EHBP1: variants seen among roughly 807,000 people sequenced by gnomAD.
EHBP1 encodes EH domain binding protein 1.
Under a neutral mutation model 144.0 loss-of-function variants are expected in EHBP1, and 55 were observed. The ratio of observed to expected loss-of-function variants is 0.38; its 90% CI spans 0.31 to 0.48. The LOEUF (loss-of-function observed/expected upper bound fraction) is 0.48. Ranked by LOEUF, EHBP1 falls within the 20% of genes least tolerant of loss-of-function variation. The pLI, the probability that EHBP1 is intolerant of heterozygous loss-of-function variation, is 0.98. For synonymous variants in EHBP1, 469 were observed against 472.7 expected, an observed-to-expected ratio of 0.99 and a Z score of 0.10; for missense variants, 1,200 against 1,364.2, an observed-to-expected ratio of 0.88 and a Z score of 1.90.
At chr2:62,967,595 TC>T (rs1182076862) in intron 14 of EHBP1, among the ~76,000 whole-genome samples, 1 of 152,188 alleles carries the variant, frequency 6.6e-6, no homozygotes, top group East Asian at 1.9e-4. Flanking sequence ...TACATTTTGA[TC>T]ACTTGTATCT....
intron 7 of EHBP1, among the ~76,000 whole-genome samples, chr2:62,856,604 A>C (rs1164867747): frequency 1.3e-5 from 2 of 152,220 alleles, no homozygotes; most frequent in Non-Finnish European, 2.9e-5. Context: ...TGCCAGGCCA[A>C]GTGGGTGGAA....
At chr2:63,005,777 T>G (rs1230310227) in intron 19 of EHBP1, among the ~76,000 whole-genome samples, 1 of 152,062 alleles carries the variant, frequency 6.6e-6, no homozygotes. Context: ...GCTTACCACA[T>G]TATTATATTT....
At chr2:62,809,425 C>G (rs956029801) in intron 5 of EHBP1, among the ~76,000 whole-genome samples, 1 of 152,018 alleles carries the variant, frequency 6.6e-6, no homozygotes, top group African/African-American at 2.4e-5. Flanking sequence ...CCTGATCAAG[C>G]TCTTGGAAGT....
intron 7 of EHBP1, among the ~76,000 whole-genome samples, chr2:62,841,550 G>A (rs957977245): frequency 3.3e-5 from 5 of 152,110 alleles, no homozygotes; most frequent in Non-Finnish European, 4.4e-5. Context: ...AATGAGAGAT[G>A]CAGTATGATT....
intron 14 of EHBP1, among the ~76,000 whole-genome samples, chr2:62,962,728 C>T (rs924719213): frequency 3.0e-4 from 46 of 152,252 alleles, no homozygotes; most frequent in Middle Eastern, 3.4e-3. Flanking sequence ...TCTAATTAGT[C>T]TAATCATAAT....
chr2:62,783,687 C>G (rs936422780), intron 5 of EHBP1, among the ~76,000 whole-genome samples: 2 of 152,236 alleles, frequency 1.3e-5, no homozygotes, highest in Non-Finnish European at 2.9e-5. Context: ...CAAGGCTGCA[C>G]ACAGCAGGGG....
At chr2:62,964,635 T>C (rs2058157934) in intron 14 of EHBP1, among the ~76,000 whole-genome samples, 1 of 152,232 alleles carries the variant, frequency 6.6e-6, no homozygotes, top group Non-Finnish European at 1.5e-5. Flanking sequence ...TCACTTGATG[T>C]AAAATAATCT....
In EHBP1 at chr2:62,776,286, G is replaced by A. The variant is rs935764208; in HGVS notation, c.312+4894G>A. Among the ~76,000 whole-genome samples, 5 of 152,146 alleles carry A rather than the reference G, an allele frequency of 3.3e-5. No individual in the cohort carries two copies. The South Asian group carries it at 1.0e-3, about 31-fold the overall frequency. ...CTTTAGAGTTGAAATTTTAGAGGTG[G>A]TTCTGCCACTTACTGGCTATGCAAC... On this transcript the variant is annotated intron_variant, in intron 5 of 22. Transcript: ENST00000431489.
intron 1 of EHBP1, among the ~76,000 whole-genome samples, chr2:62,676,092 CAAGCCAAA>C: frequency 6.6e-6 from 1 of 151,500 alleles, no homozygotes; most frequent in Admixed American, 6.6e-5. Context: ...CTTAATTAAG[CAAGCCAAA>C]ATAGAGCTGC....
At chr2:62,873,095 C>T (rs546148278) in intron 9 of EHBP1, among the ~76,000 whole-genome samples, 5 of 152,086 alleles carry the variant, frequency 3.3e-5, no homozygotes, top group Non-Finnish European at 7.4e-5. Context: ...GAGAGGCACT[C>T]TTAACTTAGA....
At chr2:62,821,325 A>G (rs553272299) in intron 5 of EHBP1, among the ~76,000 whole-genome samples, 128 of 152,312 alleles carry the variant, frequency 8.4e-4, no homozygotes, top group African/African-American at 2.9e-3. Context: ...AAAGCATACA[A>G]TGAACTATTA....
intron 3 of EHBP1, among the ~76,000 whole-genome samples, chr2:62,756,270 A>C (rs948474962): frequency 1.3e-5 from 2 of 152,228 alleles, no homozygotes; most frequent in Non-Finnish European, 2.9e-5. Context: ...CAGAATGCAA[A>C]CATATGAGGC....
chr2:62,885,096 A>C (rs1391107166), intron 10 of EHBP1, among the ~76,000 whole-genome samples: 6 of 152,228 alleles, frequency 3.9e-5, no homozygotes. Flanking sequence ...AAAATGCTGA[A>C]CTACACTCAA....
intron 15 of EHBP1, chr2:62,988,187 A>G (rs2059276776): frequency 1.8e-6 from 1 of 545,580 alleles, no homozygotes; most frequent in African/African-American, 2.0e-5. Flanking sequence ...ACCTTCCATC[A>G]ATTTTATGTT....
intron 19 of EHBP1, among the ~76,000 whole-genome samples, chr2:63,007,451 A>ATG (rs1269181065): frequency 6.6e-6 from 1 of 151,776 alleles, no homozygotes; most frequent in African/African-American, 2.4e-5. Context: ...ATATGTAGGT[A>ATG]TGTGTGTGTA....
intron 5 of EHBP1, among the ~76,000 whole-genome samples, chr2:62,796,885 C>T (rs1009837304): frequency 8.0e-5 from 12 of 150,450 alleles, no homozygotes; most frequent in Non-Finnish European, 1.3e-4. Flanking sequence ...TTCTTTGTCT[C>T]CTAAGTTCTC....
intron 2 of EHBP1, among the ~76,000 whole-genome samples, chr2:62,732,448 G>A (rs527443968): frequency 1.3e-5 from 2 of 152,232 alleles, no homozygotes; most frequent in Admixed American, 6.5e-5. Context: ...TTTGGAGGTG[G>A]GGCCTGATAG....
At chr2:62,680,453 T>C (rs1192640639) in intron 1 of EHBP1, among the ~76,000 whole-genome samples, 2 of 152,212 alleles carry the variant, frequency 1.3e-5, no homozygotes, top group Non-Finnish European at 2.9e-5. Context: ...TATCTTGCCC[T>C]TTCTTGCAAT....
intron 19 of EHBP1, among the ~76,000 whole-genome samples, chr2:62,999,170 G>A (rs1009163306): frequency 9.2e-5 from 14 of 152,084 alleles, no homozygotes; most frequent in South Asian, 2.1e-4. Context: ...CATTAGGAAT[G>A]GTGGAGTTAC....
Sources: allele counts gnomAD v4.1 joint callset (sites outside exome capture counted in the v4.1 genomes callset), GRCh38; gene constraint gnomAD v4.1.1; transcripts MANE v1.5; gene names NCBI Gene and HGNC (gene_info 2026-07-23, HGNC 2026-07-21).